Variants in SEL1L3 observed in about 807,000 individuals in gnomAD.
SEL1L3 encodes the protein SEL1L family member 3.
In SEL1L3, 76 loss-of-function variants were observed where a neutral mutation model predicts 142.8. That is an observed-to-expected ratio of 0.53 (90% CI 0.44 to 0.64). The LOEUF is 0.64. SEL1L3 is among the 30% of genes least tolerant of loss of function. The pLI is 0.00. For missense variants in SEL1L3, 1,262 were observed against 1,381.7 expected, an observed-to-expected ratio of 0.91 and a Z score of 1.37; for synonymous variants, 504 against 519.6, an observed-to-expected ratio of 0.97 and a Z score of 0.41.
intron 11 of SEL1L3, among the ~76,000 whole-genome samples, chr4:25,793,514 G>A (rs563750134): frequency 1.3e-5 from 2 of 151,790 alleles, no homozygotes; most frequent in South Asian, 2.1e-4. Context: ...TTGAACTCCT[G>A]GGCTCAAACG....
At chr4:25,777,238 C>G (rs1176469279) in intron 16 of SEL1L3, among the ~76,000 whole-genome samples, 1 of 151,830 alleles carries the variant, frequency 6.6e-6, no homozygotes, top group Non-Finnish European at 1.5e-5. Flanking sequence ...GAACCATCAA[C>G]AGAGATAAAG....
chr4:25,752,234 T>G (rs550493415), intron 23 of SEL1L3, among the ~76,000 whole-genome samples: 5 of 151,490 alleles, frequency 3.3e-5, no homozygotes, highest in African/African-American at 1.2e-4. Context: ...ACAGCCAACA[T>G]GGTGAAACCC....
At chr4:25,773,764 A>G (rs1029606930) in intron 17 of SEL1L3, among the ~76,000 whole-genome samples, 1 of 152,204 alleles carries the variant, frequency 6.6e-6, no homozygotes, top group African/African-American at 2.4e-5. Flanking sequence ...GTTTCATTAT[A>G]TATCCCTCTC....
the SEL1L3 span, among the ~76,000 whole-genome samples, chr4:25,736,088 C>T: frequency 1.3e-5 from 2 of 152,050 alleles, no homozygotes. Flanking sequence ...CTCGGCCTCC[C>T]AAAGTGCTAG....
chr4:25,800,032 G>A (rs1045537251), intron 11 of SEL1L3, among the ~76,000 whole-genome samples: 1 of 152,176 alleles, frequency 6.6e-6, no homozygotes, highest in Non-Finnish European at 1.5e-5. Context: ...TCTTCTTTCT[G>A]TCTATCCTGA....
At chr4:25,845,165 C>T (rs553050222) in intron 2 of SEL1L3, among the ~76,000 whole-genome samples, 3 of 152,252 alleles carry the variant, frequency 2.0e-5, no homozygotes, top group East Asian at 1.9e-4. Flanking sequence ...AATGAGGAAG[C>T]GGGGGTGAGG....
At chr4:25,799,355 G>T (rs1030991540) in intron 11 of SEL1L3, among the ~76,000 whole-genome samples, 2 of 152,104 alleles carry the variant, frequency 1.3e-5, no homozygotes, top group Non-Finnish European at 2.9e-5. Flanking sequence ...TATTACCGGG[G>T]TGACCTACCA....
upstream of SEL1L3, among the ~76,000 whole-genome samples, chr4:25,863,239 TTCTC>T (rs1161338893): frequency 1.5e-5 from 1 of 68,686 alleles, no homozygotes. Context: ...CCCTTTCCCT[TTCTC>T]TCTGCTCCTC....
chr4:25,833,160 T>C, intron 4 of SEL1L3, 50 bp from the exon 5 acceptor site: 1 of 1,043,340 alleles, frequency 9.6e-7, no homozygotes, highest in South Asian at 1.3e-5. Flanking sequence ...TATCTACGAG[T>C]GAATGAAGTA....
chr4:25,863,306 G>A (rs945245795), upstream of SEL1L3: 97 of 259,976 alleles, frequency 3.7e-4, no homozygotes, highest in East Asian at 9.4e-3. Context: ...CTCTCCCTCC[G>A]GCTCCCTCTT....
chr4:25,818,383 C>T (rs1057342901), intron 8 of SEL1L3, 105 bp from the exon 9 acceptor site: 12 of 1,049,198 alleles, frequency 1.1e-5, no homozygotes, highest in Non-Finnish European at 1.6e-5. Flanking sequence ...CTTGCCATTA[C>T]TGGATGTTGG....
At chr4:25,807,062 A>G (rs549820141) in intron 9 of SEL1L3, among the ~76,000 whole-genome samples, 2 of 152,156 alleles carry the variant, frequency 1.3e-5, no homozygotes, top group Non-Finnish European at 2.9e-5. Context: ...AAAATGGCGT[A>G]TTATGCCATT....
intron 23 of SEL1L3, among the ~76,000 whole-genome samples, chr4:25,753,901 T>C (rs1463492626): frequency 6.6e-6 from 1 of 151,988 alleles, no homozygotes; most frequent in Non-Finnish European, 1.5e-5. Context: ...GGAGAATCAC[T>C]TGAATCCGAG....
intron 17 of SEL1L3, among the ~76,000 whole-genome samples, chr4:25,771,575 A>C (rs1378945): frequency 0.29 from 44,630 of 152,018 alleles, 6,826 homozygotes; most frequent in African/African-American, 0.35. Context: ...GATGAAAAAA[A>C]AATTCCTGGG....
the SEL1L3 span, among the ~76,000 whole-genome samples, chr4:25,729,473 G>A: frequency 2.0e-5 from 3 of 152,158 alleles, no homozygotes; most frequent in Non-Finnish European, 4.4e-5. Flanking sequence ...CAGCACTTTC[G>A]GAGGCTGAGG....
intron 23 of SEL1L3, among the ~76,000 whole-genome samples, chr4:25,751,877 A>G (rs10939081): frequency 0.43 from 64,404 of 150,692 alleles, 15,020 homozygotes; most frequent in East Asian, 0.73. Flanking sequence ...TTGGGAGGCC[A>G]AGGCAGGCAG....
the SEL1L3 span, among the ~76,000 whole-genome samples, chr4:25,724,133 T>A: frequency 6.6e-6 from 1 of 152,162 alleles, no homozygotes; most frequent in Non-Finnish European, 1.5e-5. Context: ...GAAAAGATCC[T>A]CTGGACTGGG....
At chr4:25,732,927 G>GT in the SEL1L3 span, among the ~76,000 whole-genome samples, 1 of 152,074 alleles carries the variant, frequency 6.6e-6, no homozygotes, top group African/African-American at 2.4e-5. Flanking sequence ...TATATTTTCA[G>GT]TAGAGATGGG....
At position 25,785,301 on chromosome 4, in the gene SEL1L3, A is replaced by G. The variant is rs187440516; in HGVS notation, c.2218-1011T>C. Among the ~76,000 whole-genome samples, 4 of 152,358 alleles carry G rather than the reference A, an allele frequency of 2.6e-5. No individual in the cohort carries two copies. In the East Asian group the frequency reaches 5.8e-4, roughly 22 times the overall value. ...TGGCCAAGCACTGTCTAAGTGCTTC[A>G]TCAACTCTACCTGAGGTGCTGCTGT... is the stretch of plus-strand genomic sequence containing the variant. On this transcript the variant is annotated intron_variant, in intron 13 of 23. Coordinates refer to ENST00000399878, the MANE Select transcript of SEL1L3 (RefSeq NM_015187.5).
Sources: gnomAD v4.1 joint callset for allele counts (sites outside exome capture counted in the v4.1 genomes callset) on GRCh38, gnomAD v4.1.1 for gene constraint, MANE v1.5 for transcripts, NCBI Gene and HGNC (gene_info 2026-07-23, HGNC 2026-07-21) for gene names.